The following CHODL variants were observed in gnomAD, a reference collection of about 807,000 sequenced individuals.
CHODL encodes transmembrane protein MT75.
CHODL carries 29 observed loss-of-function variants against 34.5 expected under a neutral mutation model. The observed-to-expected ratio is 0.84, with a 90% CI of 0.63 to 1.15. CHODL has a LOEUF of 1.15. Ranked by LOEUF, CHODL falls within the 50% of genes most tolerant of loss-of-function variation. The probability of loss-of-function intolerance (pLI) is 0.00; values close to 1 mark genes in which losing one functional copy is unlikely to be tolerated. For missense variants in CHODL, 332 were observed against 332.5 expected (o/e 1.00, Z 0.01); for synonymous variants, 125 against 116.1 (o/e 1.08, Z -0.49).
At chr21:17,954,047 A>G (rs910439748) in intron 1 of CHODL, among the ~76,000 whole-genome samples, 1 of 152,182 alleles carries the variant, frequency 6.6e-6, no homozygotes, top group Admixed American at 6.5e-5. Flanking sequence ...TATAAATGTA[A>G]AGACTAAGAA....
chr21:18,235,960 A>G (rs574951997), intron 2 of CHODL, among the ~76,000 whole-genome samples: 7 of 152,186 alleles, frequency 4.6e-5, no homozygotes, highest in Admixed American at 3.9e-4. Flanking sequence ...GTTGGTTATT[A>G]AGTAAGATGA....
At chr21:18,072,181 C>T (rs968447805) in intron 2 of CHODL, among the ~76,000 whole-genome samples, 6 of 150,534 alleles carry the variant, frequency 4.0e-5, no homozygotes, top group East Asian at 2.0e-4. Context: ...TTAAAAACAA[C>T]GTTAATTCTA....
At chr21:18,113,940 C>T (rs375388291) in intron 2 of CHODL, among the ~76,000 whole-genome samples, 4 of 152,116 alleles carry the variant, frequency 2.6e-5, no homozygotes, top group African/African-American at 9.7e-5. Flanking sequence ...TCCATATACA[C>T]AATAGAATAC....
chr21:18,077,325 G>T (rs1243073408), intron 2 of CHODL, among the ~76,000 whole-genome samples: 1 of 152,132 alleles, frequency 6.6e-6, no homozygotes, highest in Admixed American at 6.6e-5. Context: ...CATACCTTAA[G>T]TCTCACCCAT....
intron 1 of CHODL, among the ~76,000 whole-genome samples, chr21:18,253,315 G>GT (rs141515066): frequency 0.042 from 6,316 of 150,212 alleles, 415 homozygotes; most frequent in African/African-American, 0.15. Flanking sequence ...ATTCTGTTTT[G>GT]TTTTTTTTTA....
At chr21:18,124,848 A>G (rs1419641349) in intron 2 of CHODL, among the ~76,000 whole-genome samples, 1 of 152,262 alleles carries the variant, frequency 6.6e-6, no homozygotes, top group Non-Finnish European at 1.5e-5. Context: ...CTTAGTTCTC[A>G]CAATAAACTT....
intron 2 of CHODL, among the ~76,000 whole-genome samples, chr21:18,069,771 T>A (rs995218803): frequency 7.2e-5 from 11 of 152,114 alleles, no homozygotes; most frequent in African/African-American, 2.6e-4. Context: ...TAGAACATAC[T>A]TTTTATTTTT....
chr21:17,942,012 A>G (rs1254809994), intron 1 of CHODL, among the ~76,000 whole-genome samples: 1 of 152,194 alleles, frequency 6.6e-6, no homozygotes, highest in African/African-American at 2.4e-5. Context: ...TCCTAAAACC[A>G]TCACCTTGGG....
intron 2 of CHODL, among the ~76,000 whole-genome samples, chr21:18,086,999 T>G (rs1226098043): frequency 3.3e-5 from 5 of 152,176 alleles, no homozygotes; most frequent in Admixed American, 2.6e-4. Context: ...GTAGCTGTGA[T>G]AGGTTGGGTG....
At chr21:18,185,194 A>T (rs774937705) in intron 2 of CHODL, among the ~76,000 whole-genome samples, 19 of 151,858 alleles carry the variant, frequency 1.3e-4, no homozygotes, top group Non-Finnish European at 2.5e-4. Context: ...CCTGGCAGGC[A>T]CTAGTGTGTG....
intron 1 of CHODL, among the ~76,000 whole-genome samples, chr21:18,004,825 A>T (rs149784): frequency 0.38 from 57,011 of 150,934 alleles, 13,102 homozygotes; most frequent in African/African-American, 0.66. Context: ...AATGAGGTAA[A>T]AAATTGCAAA....
At chr21:18,177,159 A>G (rs2073325847) in intron 2 of CHODL, among the ~76,000 whole-genome samples, 1 of 152,124 alleles carries the variant, frequency 6.6e-6, no homozygotes, top group Admixed American at 6.5e-5. Flanking sequence ...TAATAACACT[A>G]ACAAGGGCAG....
At chr21:18,221,896 G>T (rs1049418080) in intron 2 of CHODL, among the ~76,000 whole-genome samples, 14 of 152,206 alleles carry the variant, frequency 9.2e-5, no homozygotes, top group African/African-American at 3.4e-4. Flanking sequence ...ATGTGCATGG[G>T]CACTGGTAGT....
At chr21:18,132,796 C>T (rs2072672838) in intron 2 of CHODL, among the ~76,000 whole-genome samples, 2 of 152,068 alleles carry the variant, frequency 1.3e-5, no homozygotes, top group South Asian at 4.1e-4. Flanking sequence ...TTATTAAAGG[C>T]ATTTGTTGCA....
intron 1 of CHODL, among the ~76,000 whole-genome samples, chr21:17,944,449 T>C (rs781244584): frequency 6.6e-6 from 1 of 152,144 alleles, no homozygotes; most frequent in Non-Finnish European, 1.5e-5. Context: ...AACAGCCACT[T>C]ATCTAAGCCA....
chr21:18,162,263 G>A (rs1003452874), intron 2 of CHODL, among the ~76,000 whole-genome samples: 10 of 152,092 alleles, frequency 6.6e-5, no homozygotes, highest in Non-Finnish European at 1.5e-4. Context: ...ACATCAAGGT[G>A]TTAGCAGAGA....
At chr21:18,070,025 T>TTCCCCTCC (rs1555860424) in intron 2 of CHODL, among the ~76,000 whole-genome samples, 1 of 29,090 alleles carries the variant, frequency 3.4e-5, no homozygotes, top group Admixed American at 3.9e-4. Flanking sequence ...TTCCCTTCCC[T>TTCCCCTCC]CCCCCCCCCC....
rs143227588 is a variant in CHODL at position 18,163,947 on chromosome 21, C to T, written c.-44-92562C>T. On this transcript the variant is annotated intron_variant, in intron 2 of 6. Coordinates refer to the CHODL transcript ENST00000400127. ...AACAACCCCATTTAAATTCCCTTTG[C>T]AACTTCATTTGTTGTAGCACAATAG... is the stretch of plus-strand genomic sequence containing the variant. Among the ~76,000 whole-genome samples, 6 of 152,292 alleles carry T rather than the reference C, an allele frequency of 3.9e-5. No homozygotes were observed. The East Asian group carries it at 1.2e-3, about 29-fold the overall frequency.
At chr21:18,091,941 A>G (rs2065079162) in intron 2 of CHODL, among the ~76,000 whole-genome samples, 1 of 152,108 alleles carries the variant, frequency 6.6e-6, no homozygotes, top group Admixed American at 6.6e-5. Flanking sequence ...AGTAGAATAG[A>G]GCAACTGGTA....
Sources: gnomAD v4.1 joint callset for allele counts (sites outside exome capture counted in the v4.1 genomes callset) on GRCh38, gnomAD v4.1.1 for gene constraint, MANE v1.5 for transcripts, NCBI Gene and HGNC (gene_info 2026-07-23, HGNC 2026-07-21) for gene names.